DMD: variants seen among roughly 807,000 people sequenced by gnomAD.
DMD encodes dystrophin, also known as mutant dystrophin.
Under a neutral mutation model 330.1 loss-of-function variants are expected in DMD, and 63 were observed. That is an observed-to-expected ratio of 0.19 (90% CI 0.16 to 0.24). The LOEUF (loss-of-function observed/expected upper bound fraction) is 0.24. Among genes scored for constraint, DMD ranks in the 10% least tolerant of loss-of-function variants. The probability of loss-of-function intolerance (pLI) is 1.00; values close to 1 mark genes in which losing one functional copy is unlikely to be tolerated. For missense variants in DMD, 3,344 were observed against 2,684.1 expected, an observed-to-expected ratio of 1.25 and a Z score of -5.43; for synonymous variants, 1,223 against 959.8, an observed-to-expected ratio of 1.27 and a Z score of -5.07.
chrX:32,121,232 G>A (rs1176678185), intron 44 of DMD, among the ~76,000 whole-genome samples: 7 of 111,089 alleles, frequency 6.3e-5, no homozygotes, highest in Non-Finnish European at 1.1e-4. Context: ...AAATGAATAC[G>A]CTAAGGAAGT....
At chrX:33,129,325 CTTTTTTTTT>C (rs58505662) in intron 1 of DMD, among the ~76,000 whole-genome samples, 204 of 30,699 alleles carry the variant, frequency 6.6e-3, no homozygotes, top group Admixed American at 9.8e-3. Flanking sequence ...TTAAGGTTTG[CTTTTTTTTT>C]TTTTTTTTTT....
At chrX:32,859,466 C>CG (rs2081894598) in intron 2 of DMD, among the ~76,000 whole-genome samples, 1 of 34,133 alleles carries the variant, frequency 2.9e-5, no homozygotes. Context: ...AGATCTCACA[C>CG]ACACACACAC....
intron 62 of DMD, among the ~76,000 whole-genome samples, chrX:31,278,015 TAA>T (rs34835188): frequency 2.2e-3 from 47 of 21,838 alleles, no homozygotes; most frequent in Admixed American, 8.0e-3. Context: ...AAGTTGAAAT[TAA>T]AAAAAAAAAA....
intron 41 of DMD, among the ~76,000 whole-genome samples, chrX:32,335,209 T>A (rs1279022131): frequency 1.9e-5 from 2 of 103,759 alleles, no homozygotes; most frequent in Non-Finnish European, 3.8e-5. Flanking sequence ...TAAGGACTAC[T>A]TTTTTTTCTT....
chrX:32,178,901 T>C (rs1473309845), intron 44 of DMD, among the ~76,000 whole-genome samples: 2 of 104,386 alleles, frequency 1.9e-5, no homozygotes, highest in African/African-American at 7.1e-5. Context: ...TTGTAAACTG[T>C]TTTCTACATA....
intron 50 of DMD, among the ~76,000 whole-genome samples, chrX:31,810,487 A>C (rs1365895913): frequency 8.9e-6 from 1 of 112,330 alleles, no homozygotes; most frequent in Non-Finnish European, 1.9e-5. Flanking sequence ...AGGTAGTTGA[A>C]AAACTGTCAA....
chrX:32,140,023 C>A (rs1341653327), intron 44 of DMD, among the ~76,000 whole-genome samples: 1 of 112,152 alleles, frequency 8.9e-6, no homozygotes, highest in Non-Finnish European at 1.9e-5. Flanking sequence ...TTTCTCTGTG[C>A]AAGTGAATAA....
At position 33,101,555 on chromosome X, in the gene DMD, A is replaced by AG. The variant is rs755980433; in HGVS notation, c.32-81356dup. ...CTAAGGCAGGAGAATCGCTTGAACC[A>AG]GGGAGGCGGAGGTTGCAGCGGGCAG... is the stretch of plus-strand genomic sequence containing the variant. On this transcript the variant is annotated intron_variant, in intron 1 of 78. Coordinates refer to ENST00000357033, the MANE Select transcript of DMD (RefSeq NM_004006.3). Among the ~76,000 whole-genome samples, 203 of 111,644 alleles carry AG rather than the reference A, an allele frequency of 1.8e-3. 2 individuals carry two copies. The highest frequency in any genetic ancestry group is 6.0e-3 in the African/African-American group (184 of 30,766).
chrX:32,912,886 A>C (rs763494577), intron 2 of DMD, among the ~76,000 whole-genome samples: 1 of 112,417 alleles, frequency 8.9e-6, no homozygotes, highest in Non-Finnish European at 1.9e-5. Context: ...GTTATGATTG[A>C]AACTGTATGT....
At chrX:31,929,506 C>T (rs1603615763) in intron 47 of DMD, 90 bp downstream of exon 47, 12 of 1,061,968 alleles carry the variant, frequency 1.1e-5, no homozygotes, top group Non-Finnish European at 1.3e-5. Context: ...CCAGCCTCCT[C>T]CCCGACCAAT....
chrX:33,072,409 ACT>A (rs756106830), intron 1 of DMD, among the ~76,000 whole-genome samples: 19 of 112,036 alleles, frequency 1.7e-4, no homozygotes, highest in South Asian at 3.7e-4. Flanking sequence ...TAAGAGTGAA[ACT>A]CTGTTTCAAA....
intron 2 of DMD, among the ~76,000 whole-genome samples, chrX:32,865,706 T>G (rs1172090404): frequency 8.9e-6 from 1 of 112,695 alleles, no homozygotes; most frequent in Non-Finnish European, 1.9e-5. Context: ...TGTTTTGCAT[T>G]TTTTAATTCA....
rs777105845 is a variant in DMD at position 32,865,644 on chromosome X, GTCTTT to G, written c.94-15829_94-15825del. The stretch of plus-strand genomic sequence containing the variant: ...AAGCTGCTTAGGCAAATGTCTGCTT[GTCTTT>G]TCTTTTCACCCTTTCAAACATAACT... On this transcript the variant is annotated intron_variant, in intron 2 of 78. Coordinates refer to ENST00000357033, the MANE Select transcript of DMD (RefSeq NM_004006.3). Among the ~76,000 whole-genome samples, 315 of 112,695 alleles carry G rather than the reference GTCTTT, an allele frequency of 2.8e-3. 1 individual carries two copies. Among genetic ancestry groups the G allele is most frequent in the African/African-American group, 8.1e-3 (253 of 31,100 alleles).
intron 1 of DMD, among the ~76,000 whole-genome samples, chrX:33,067,769 C>A (rs150931943): frequency 2.7e-5 from 3 of 110,442 alleles, no homozygotes; most frequent in Non-Finnish European, 5.7e-5. Flanking sequence ...CGCTTGAACC[C>A]GAGAGGTGGA....
intron 43 of DMD, among the ~76,000 whole-genome samples, chrX:32,259,358 T>C (rs1224766396): frequency 4.5e-5 from 5 of 111,390 alleles, no homozygotes; most frequent in Non-Finnish European, 9.4e-5. Flanking sequence ...TGCTAACTTT[T>C]TAAATTTAAA....
chrX:33,322,700 A>T (rs1259558561), intron 1 of DMD, among the ~76,000 whole-genome samples: 2 of 111,876 alleles, frequency 1.8e-5, no homozygotes, highest in African/African-American at 6.5e-5. Context: ...AAGAAAGAAG[A>T]TACCTCTGGG....
At chrX:32,585,625 G>A (rs377690446) in intron 13 of DMD, among the ~76,000 whole-genome samples, 28 of 92,974 alleles carry the variant, frequency 3.0e-4, no homozygotes, top group African/African-American at 1.0e-3. Flanking sequence ...GCATGAACCC[G>A]GGAGGCAGAG....
At chrX:31,877,852 AC>A (rs2093993235) in intron 47 of DMD, among the ~76,000 whole-genome samples, 1 of 111,956 alleles carries the variant, frequency 8.9e-6, no homozygotes, top group African/African-American at 3.3e-5. Context: ...TTTTCTACTC[AC>A]AAGTAGATGT....
chrX:32,698,968 C>G (rs867143458), intron 8 of DMD, 144 bp downstream of exon 8: 69 of 519,021 alleles, frequency 1.3e-4, no homozygotes, highest in South Asian at 6.3e-4. Context: ...TAGTCTGTCT[C>G]TTTTTGTACA....
Sources: gnomAD v4.1 joint callset for allele counts (sites outside exome capture counted in the v4.1 genomes callset) on GRCh38, gnomAD v4.1.1 for gene constraint, MANE v1.5 for transcripts, NCBI Gene and HGNC (gene_info 2026-07-23, HGNC 2026-07-21) for gene names.